Variants in ADAMTSL1 observed in about 807,000 individuals in gnomAD.
The protein encoded by ADAMTSL1 is ADAMTS-like protein 1.
Under a neutral mutation model 201.8 loss-of-function variants are expected in ADAMTSL1, and 126 were observed. The observed-to-expected ratio is 0.62, with a 90% CI of 0.54 to 0.72. ADAMTSL1 has a LOEUF of 0.72. ADAMTSL1 is among the 30% of genes least tolerant of loss of function. The pLI is 0.00. For synonymous variants in ADAMTSL1, 1,121 were observed against 903.4 expected, an observed-to-expected ratio of 1.24 and a Z score of -4.32; for missense variants, 2,679 against 2,277.8, an observed-to-expected ratio of 1.18 and a Z score of -3.59.
At chr9:18,117,036 C>G (rs561983121) in intron 1 of ADAMTSL1, among the ~76,000 whole-genome samples, 1 of 152,130 alleles carries the variant, frequency 6.6e-6, no homozygotes, top group Admixed American at 6.6e-5. Context: ...TTCTCATACA[C>G]CTCATCCAGT....
At chr9:18,707,816 C>G (rs1832315538) in intron 14 of ADAMTSL1, among the ~76,000 whole-genome samples, 3 of 152,170 alleles carry the variant, frequency 2.0e-5, no homozygotes, top group Admixed American at 1.3e-4. Flanking sequence ...TGGTGTATTC[C>G]ATGGTGATAG....
chr9:18,338,037 A>ATT (rs1393343967), intron 2 of ADAMTSL1, among the ~76,000 whole-genome samples: 4 of 152,112 alleles, frequency 2.6e-5, no homozygotes, highest in Non-Finnish European at 4.4e-5. Context: ...GATCCTGAGG[A>ATT]TCAATGGAGA....
intron 16 of ADAMTSL1, among the ~76,000 whole-genome samples, chr9:18,759,906 A>C (rs1230939173): frequency 6.6e-6 from 1 of 152,178 alleles, no homozygotes; most frequent in Admixed American, 6.5e-5. Flanking sequence ...ATGTTTAGTA[A>C]GTGAGATTCC....
At chr9:18,770,859 G>T in intron 17 of ADAMTSL1, 78 bp downstream of exon 17, 17 of 1,418,882 alleles carry the variant, frequency 1.2e-5, no homozygotes, top group Non-Finnish European at 1.5e-5. Flanking sequence ...CATAGAAAAG[G>T]CAAGAAGAGA....
At chr9:18,687,419 C>T (rs1830904270) in intron 13 of ADAMTSL1, among the ~76,000 whole-genome samples, 1 of 152,184 alleles carries the variant, frequency 6.6e-6, no homozygotes, top group African/African-American at 2.4e-5. Flanking sequence ...AGGAGACTCA[C>T]ACTGCTTAAA....
chr9:18,516,429 C>G (rs1291085420), intron 2 of ADAMTSL1, among the ~76,000 whole-genome samples: 1 of 152,204 alleles, frequency 6.6e-6, no homozygotes, highest in Admixed American at 6.5e-5. Flanking sequence ...ATATACCAAC[C>G]TCAAATAGCT....
intron 1 of ADAMTSL1, among the ~76,000 whole-genome samples, chr9:17,915,789 T>C (rs114281456): frequency 0.012 from 1,870 of 152,328 alleles, 41 homozygotes; most frequent in African/African-American, 0.043. Flanking sequence ...AATTCTCTAA[T>C]GATTAATGAT....
intron 1 of ADAMTSL1, among the ~76,000 whole-genome samples, chr9:17,933,409 G>T (rs976999828): frequency 1.3e-5 from 2 of 152,080 alleles, no homozygotes; most frequent in African/African-American, 4.8e-5. Flanking sequence ...TTCAGAGACC[G>T]TTTTTCCAGA....
chr9:17,941,277 C>A (rs118134540), intron 1 of ADAMTSL1, among the ~76,000 whole-genome samples: 2 of 151,996 alleles, frequency 1.3e-5, no homozygotes, highest in Non-Finnish European at 2.9e-5. Context: ...TTGGAAACTT[C>A]TAATTTACCC....
At chr9:18,080,951 T>G (rs1326713343) in intron 1 of ADAMTSL1, among the ~76,000 whole-genome samples, 2 of 152,248 alleles carry the variant, frequency 1.3e-5, no homozygotes, top group Non-Finnish European at 2.9e-5. Context: ...TAATATTTTA[T>G]GCATTTGTGA....
chr9:18,449,789 A>G (rs1356762062), intron 2 of ADAMTSL1, among the ~76,000 whole-genome samples: 2 of 152,206 alleles, frequency 1.3e-5, no homozygotes, highest in African/African-American at 4.8e-5. Context: ...TTTCAACGTT[A>G]TTAGTCATTA....
intron 23 of ADAMTSL1, among the ~76,000 whole-genome samples, chr9:18,881,800 A>C (rs1310918044): frequency 6.6e-6 from 1 of 152,192 alleles, no homozygotes; most frequent in Non-Finnish European, 1.5e-5. Flanking sequence ...AGCTTCTCAA[A>C]GGCCTGTTAG....
At chr9:18,740,315 G>C (rs1818747113) in intron 15 of ADAMTSL1, among the ~76,000 whole-genome samples, 1 of 151,966 alleles carries the variant, frequency 6.6e-6, no homozygotes, top group Non-Finnish European at 1.5e-5. Flanking sequence ...TTGTCATTAA[G>C]GGTTTGGCTG....
chr9:18,117,345 T>C (rs932250143), intron 1 of ADAMTSL1, among the ~76,000 whole-genome samples: 1 of 152,078 alleles, frequency 6.6e-6, no homozygotes, highest in African/African-American at 2.4e-5. Flanking sequence ...TTACTTTCTC[T>C]CCTACCGCCT....
intron 1 of ADAMTSL1, among the ~76,000 whole-genome samples, chr9:18,030,024 T>G: frequency 6.6e-6 from 1 of 152,150 alleles, no homozygotes; most frequent in Admixed American, 6.5e-5. Flanking sequence ...AAATACCATT[T>G]GACCCAGCCA....
intron 2 of ADAMTSL1, among the ~76,000 whole-genome samples, chr9:18,171,763 G>T (rs957652387): frequency 6.6e-5 from 10 of 152,080 alleles, no homozygotes; most frequent in Non-Finnish European, 1.5e-4. Flanking sequence ...CCATGCCTAT[G>T]TCCTGAATGG....
At chr9:18,399,318 T>TATATAC (rs1554672311) in intron 2 of ADAMTSL1, among the ~76,000 whole-genome samples, 2,324 of 100,704 alleles carry the variant, frequency 0.023, 153 homozygotes, top group South Asian at 0.04. Context: ...TATATATATA[T>TATATAC]ATATATATAT....
chr9:18,683,578 A>G (rs554162103), intron 12 of ADAMTSL1, among the ~76,000 whole-genome samples: 1 of 152,288 alleles, frequency 6.6e-6, no homozygotes, highest in Non-Finnish European at 1.5e-5. Context: ...TGATGTATGT[A>G]TAGGTACGGT....
intron 1 of ADAMTSL1, among the ~76,000 whole-genome samples, chr9:18,480,613 C>CT (rs1821676479): frequency 6.6e-6 from 1 of 152,180 alleles, no homozygotes; most frequent in Non-Finnish European, 1.5e-5. Context: ...ATGCTGAAAA[C>CT]TTTTAAGAAA....
Sources: allele counts gnomAD v4.1 joint callset (sites outside exome capture counted in the v4.1 genomes callset), GRCh38; gene constraint gnomAD v4.1.1; transcripts MANE v1.5; gene names NCBI Gene and HGNC (gene_info 2026-07-23, HGNC 2026-07-21).